Variants in CACHD1 observed in about 807,000 individuals in gnomAD.
CACHD1 encodes the protein cache domain containing 1, also known as VWFA and cache domain-containing protein 1.
A neutral mutation model predicts 138.7 loss-of-function variants in CACHD1; 71 were observed. That is an observed-to-expected ratio of 0.51 (90% CI 0.42 to 0.62). CACHD1 has a LOEUF of 0.62. Ranked by LOEUF, CACHD1 falls within the 20% of genes least tolerant of loss-of-function variation. The pLI is 0.00. For missense variants in CACHD1, 1,389 were observed against 1,625.3 expected (o/e 0.85, Z 2.50); for synonymous variants, 578 against 591.5 (o/e 0.98, Z 0.33).
chr1:64,688,321 C>G (rs1196016026), intron 26 of CACHD1, among the ~76,000 whole-genome samples: 1 of 152,122 alleles, frequency 6.6e-6, no homozygotes. Context: ...CAGTTTGTGA[C>G]TTAGATTCTG....
chr1:64,631,770 CT>C (rs1402644037), intron 5 of CACHD1, among the ~76,000 whole-genome samples: 55 of 152,214 alleles, frequency 3.6e-4, no homozygotes, highest in Non-Finnish European at 4.3e-4. Context: ...CCCCAACCCC[CT>C]TTTTTTCAAT....
At chr1:64,681,065 T>C (rs1258594786) in intron 24 of CACHD1, among the ~76,000 whole-genome samples, 193 bp from the exon 25 acceptor site, 9 of 152,220 alleles carry the variant, frequency 5.9e-5, no homozygotes, top group Admixed American at 5.2e-4. Context: ...TGATTACTTG[T>C]TCTTCTTGTT....
intron 2 of CACHD1, among the ~76,000 whole-genome samples, chr1:64,567,365 T>C (rs1269848072): frequency 1.3e-5 from 2 of 152,062 alleles, no homozygotes; most frequent in Non-Finnish European, 2.9e-5. Context: ...TATGTATGTG[T>C]CCCTAGAATC....
intron 4 of CACHD1, among the ~76,000 whole-genome samples, chr1:64,610,219 C>T (rs1647480630): frequency 6.6e-6 from 1 of 152,198 alleles, no homozygotes. Context: ...GGTGGGGACA[C>T]AGCCAAACCA....
In CACHD1 at chr1:64,664,580, C is replaced by A; in HGVS notation, c.2177C>A (p.Thr726Asn). The change falls in exon 15 of 27, where the codon ACT becomes AAT. Residue 726 changes from threonine to asparagine, a missense_variant. Around this residue, in one of 5 missense-constraint regions of CACHD1, gnomAD observed 1,000 missense variants for 1,114.7 expected, o/e 0.90. Coordinates refer to ENST00000651257, the MANE Select transcript of CACHD1 (RefSeq NM_020925.4). Reference protein sequence around the residue: ...MTQMEMSSLNTYIVRRYIATP... With the variant: ...MTQMEMSSLNNYIVRRYIATP... ...CAAATGGAAATGAGTAGCCTGAACA[C>A]TTACATTGTCCGCCGTTACATAGCA... The A allele has an allele frequency of 6.2e-7, 1 of 1,614,190 alleles. No individual in the cohort carries two copies. Among genetic ancestry groups the A allele is most frequent in the Non-Finnish European group, 8.5e-7 (1 of 1,180,008 alleles).
At position 64,470,832 on chromosome 1, in the gene CACHD1, C is replaced by T. The variant is rs963129752; in HGVS notation, c.88C>T (p.Leu30Phe). 6.5e-7 allele frequency: 1 copy of T among 1,546,832 alleles called. No individual in the cohort carries two copies. The change falls in exon 1 of 27, where the codon CTC becomes TTC. Residue 30 changes from leucine (L) to phenylalanine (F), a missense_variant. Leu to Phe is a conservative substitution (Grantham distance 22). Transcript: ENST00000651257. This position sits in a 1 kb window ranked among gnomAD's most constrained non-coding sequence, Gnocchi z 5.2. ...GCTGCTCTGCCTGGTCGCGTGCTGG[C>T]TCCTGGGCGCCGGGGCCGAAGCCGA... ...LWLLCLVACW[L>F]LGAGAEADFS... is the part of the protein sequence containing the mutation.
intron 25 of CACHD1, among the ~76,000 whole-genome samples, chr1:64,681,715 AG>A (rs962362790): frequency 7.9e-5 from 12 of 152,136 alleles, no homozygotes; most frequent in African/African-American, 2.9e-4. Context: ...GGAGGAAAAA[AG>A]AGCATTTTCT....
intron 1 of CACHD1, among the ~76,000 whole-genome samples, chr1:64,538,256 T>A (rs922015650): frequency 2.6e-5 from 4 of 152,214 alleles, no homozygotes; most frequent in African/African-American, 9.6e-5. Flanking sequence ...ATTTCCACAT[T>A]TAAACTCATC....
intron 1 of CACHD1, among the ~76,000 whole-genome samples, chr1:64,539,796 T>A (rs1646663500): frequency 6.6e-6 from 1 of 152,230 alleles, no homozygotes; most frequent in East Asian, 1.9e-4. Context: ...TGCTCTGAAA[T>A]GCTCTCACCC....
intron 1 of CACHD1, among the ~76,000 whole-genome samples, chr1:64,496,653 G>A (rs1329056436): frequency 6.6e-6 from 1 of 152,086 alleles, no homozygotes. Context: ...ACTTAATAGT[G>A]GAGACGGTGC....
At chr1:64,533,477 G>A (rs1646605331) in intron 1 of CACHD1, among the ~76,000 whole-genome samples, 1 of 152,180 alleles carries the variant, frequency 6.6e-6, no homozygotes, top group Non-Finnish European at 1.5e-5. Context: ...GCTTTTCAGA[G>A]GCTGAGAGTG....
At chr1:64,473,098 C>T (rs1162646284) in intron 1 of CACHD1, among the ~76,000 whole-genome samples, 2 of 152,114 alleles carry the variant, frequency 1.3e-5, no homozygotes, top group Non-Finnish European at 2.9e-5. Flanking sequence ...TTATCTCCTC[C>T]CAACTGGCCT....
chr1:64,493,871 C>A (rs993255542), intron 1 of CACHD1, among the ~76,000 whole-genome samples: 3 of 152,148 alleles, frequency 2.0e-5, no homozygotes, highest in Non-Finnish European at 2.9e-5. Flanking sequence ...ATTAAGGGGA[C>A]CTATTTAATA....
chr1:64,671,792 T>A (rs1570470877), intron 17 of CACHD1, 106 bp downstream of exon 17: 1 of 1,387,878 alleles, frequency 7.2e-7, no homozygotes, highest in Non-Finnish European at 1.0e-6. Context: ...GGAATAGAAA[T>A]CTAATTTATG....
intron 1 of CACHD1, among the ~76,000 whole-genome samples, chr1:64,525,003 G>A (rs781140998): frequency 6.6e-6 from 1 of 152,160 alleles, no homozygotes; most frequent in Non-Finnish European, 1.5e-5. Context: ...TTTGAACTTG[G>A]TGTGTTTGAA....
chr1:64,523,207 A>G (rs1200756135), intron 1 of CACHD1, among the ~76,000 whole-genome samples: 1 of 152,214 alleles, frequency 6.6e-6, no homozygotes, highest in Admixed American at 6.5e-5. Context: ...ACAATATGGT[A>G]TCTTTCATTT....
chr1:64,605,332 A>T (rs993305974), intron 4 of CACHD1, among the ~76,000 whole-genome samples: 1 of 152,170 alleles, frequency 6.6e-6, no homozygotes, highest in African/African-American at 2.4e-5. Flanking sequence ...TTTAAATAAG[A>T]TCTAGATGGA....
intron 26 of CACHD1, among the ~76,000 whole-genome samples, chr1:64,685,902 A>G (rs963632256): frequency 1.3e-5 from 2 of 151,922 alleles, no homozygotes; most frequent in African/African-American, 4.8e-5. Context: ...ATGAAATGAA[A>G]TGACATATGA....
At chr1:64,613,468 C>T (rs941980339) in intron 4 of CACHD1, 1 of 152,074 alleles carries the variant, frequency 6.6e-6, no homozygotes, top group Admixed American at 6.5e-5. Flanking sequence ...CACTTTATTG[C>T]CTTACTCACT....
Sources: gnomAD v4.1 joint callset for allele counts (sites outside exome capture counted in the v4.1 genomes callset) on GRCh38, gnomAD v4.1.1 for gene constraint, gnomAD v4.1.1 regional missense constraint, Gnocchi (gnomAD v3.1) non-coding constraint, MANE v1.5 for transcripts, NCBI Gene and HGNC (gene_info 2026-07-23, HGNC 2026-07-21) for gene names.